The following SAXO5 variants were observed in gnomAD, a reference collection of about 807,000 sequenced individuals.
SAXO5 encodes the protein testis expressed 45.
the SAXO5 span, chr19:7,505,776 C>A: frequency 1.1e-6 from 1 of 930,398 alleles, no homozygotes; most frequent in Non-Finnish European, 1.6e-6. Flanking sequence ...GTCACTTAAC[C>A]ACTCCGATCC....
chr19:7,506,142 G>A, the SAXO5 span: 1 of 1,610,408 alleles, frequency 6.2e-7, no homozygotes, highest in Non-Finnish European at 8.5e-7. Flanking sequence ...TTGCAGCAAA[G>A]CTACCTGCCG....
At chr19:7,505,505 C>A in the SAXO5 span, 1 of 1,614,054 alleles carries the variant, frequency 6.2e-7, no homozygotes, top group Non-Finnish European at 8.5e-7. Context: ...GCACCTGTTC[C>A]GCTTCTGGCA....
At chr19:7,501,285 G>A in the SAXO5 span, 177 of 1,573,196 alleles carry the variant, frequency 1.1e-4, no homozygotes, top group Non-Finnish European at 1.4e-4. Context: ...CTTCGACCGC[G>A]ACTCCCTGCC....
the SAXO5 span, among the ~76,000 whole-genome samples, chr19:7,501,626 A>C: frequency 6.6e-6 from 1 of 151,170 alleles, no homozygotes; most frequent in Non-Finnish European, 1.5e-5. Context: ...GTTCGAGACC[A>C]GCCTGGCCAA....
chr19:7,501,353 A>AC, the SAXO5 span: 38 of 1,540,232 alleles, frequency 2.5e-5, no homozygotes, highest in Non-Finnish European at 3.3e-5. Context: ...CGCTCTTTCC[A>AC]CCCCACGACG....
the SAXO5 span, chr19:7,501,503 G>C: frequency 7.8e-7 from 1 of 1,279,322 alleles, no homozygotes; most frequent in Non-Finnish European, 1.0e-6. Flanking sequence ...ATTTGGCAAT[G>C]TCTGGAAACG....
the SAXO5 span, chr19:7,500,767 T>G: frequency 7.3e-7 from 1 of 1,372,258 alleles, no homozygotes; most frequent in Non-Finnish European, 9.5e-7. Context: ...AGTGCCCCAA[T>G]GGGCACTTGC....
chr19:7,501,266 G>A, the SAXO5 span: 1 of 1,569,558 alleles, frequency 6.4e-7, no homozygotes, highest in East Asian at 2.4e-5. Context: ...TCCGCGGCGC[G>A]CGCCTCATCT....
the SAXO5 span, chr19:7,507,001 T>C: frequency 6.8e-7 from 1 of 1,460,840 alleles, no homozygotes; most frequent in Non-Finnish European, 9.6e-7. Context: ...CACCACACCC[T>C]CAGCCCCGCC....
the SAXO5 span, chr19:7,500,766 A>G: frequency 2.9e-5 from 40 of 1,373,170 alleles, no homozygotes; most frequent in South Asian, 3.2e-4. Flanking sequence ...AAGTGCCCCA[A>G]TGGGCACTTG....
chr19:7,501,134 C>T, the SAXO5 span: 2 of 1,507,688 alleles, frequency 1.3e-6, no homozygotes, highest in Admixed American at 4.2e-5. Flanking sequence ...CGCGGGAACG[C>T]ACGCTCGCCA....
the SAXO5 span, chr19:7,506,950 C>T: frequency 3.5e-6 from 3 of 866,596 alleles, no homozygotes; most frequent in South Asian, 2.9e-5. Context: ...TCAACTTCAG[C>T]GCTGGCCTGG....
the SAXO5 span, chr19:7,504,207 G>T: frequency 3.7e-6 from 6 of 1,614,168 alleles, no homozygotes; most frequent in Non-Finnish European, 5.1e-6. Context: ...AGGCCCACCT[G>T]CCTTGAGGTG....
the SAXO5 span, chr19:7,508,272 G>T: frequency 3.7e-6 from 6 of 1,614,092 alleles, no homozygotes; most frequent in Non-Finnish European, 5.1e-6. Flanking sequence ...ATACAAGGAC[G>T]AGTTTCCTTT....
the SAXO5 span, chr19:7,508,289 C>T: frequency 6.2e-7 from 1 of 1,614,094 alleles, no homozygotes; most frequent in Non-Finnish European, 8.5e-7. Context: ...CTTTCAAGTA[C>T]CAGGGCCCAG....
the SAXO5 span, chr19:7,506,592 C>T: frequency 5.7e-6 from 2 of 349,722 alleles, no homozygotes; most frequent in Non-Finnish European, 1.1e-5. Flanking sequence ...TGCCCACAGA[C>T]TCATCTGGCC....
chr19:7,507,043 C>T, the SAXO5 span: 413 of 1,612,556 alleles, frequency 2.6e-4, 1 homozygote, highest in African/African-American at 2.7e-3. Flanking sequence ...GCCTCCCCAA[C>T]CTGAATCTCC....
chr19:7,505,723 G>A, the SAXO5 span: 1 of 1,221,568 alleles, frequency 8.2e-7, no homozygotes, highest in Non-Finnish European at 1.2e-6. Context: ...AGCTTGATAT[G>A]TATGCAGGAA....
At chr19:7,504,240 G>A in the SAXO5 span, 1 of 1,614,068 alleles carries the variant, frequency 6.2e-7, no homozygotes, top group Non-Finnish European at 8.5e-7. Context: ...TTGAGGCTGT[G>A]TTGGGGCTGC....
Sources: allele counts gnomAD v4.1 joint callset (sites outside exome capture counted in the v4.1 genomes callset), GRCh38; gene constraint gnomAD v4.1.1; transcripts MANE v1.5; gene names NCBI Gene and HGNC (gene_info 2026-07-23, HGNC 2026-07-21).